ZDHHC11B: variants seen among roughly 807,000 people sequenced by gnomAD.
ZDHHC11B encodes zDHHC palmitoyltransferase 11B (putative).
A neutral mutation model predicts 42.3 loss-of-function variants in ZDHHC11B; 17 were observed. That is an observed-to-expected ratio of 0.40 (90% CI 0.27 to 0.60). The LOEUF (loss-of-function observed/expected upper bound fraction) is 0.60. Ranked by LOEUF, ZDHHC11B falls within the 20% of genes least tolerant of loss-of-function variation. ZDHHC11B has a pLI of 0.41. For missense variants in ZDHHC11B, 262 were observed against 463.2 expected (o/e 0.57, Z 3.99); for synonymous variants, 123 against 193.5 (o/e 0.64, Z 3.02).
chr5:775,009 G>C (rs1348189535), intron 1 of ZDHHC11B, among the ~76,000 whole-genome samples: 1 of 151,992 alleles, frequency 6.6e-6, no homozygotes, highest in Admixed American at 6.6e-5. Flanking sequence ...ATCATCAGCA[G>C]TGCCGGGTCA....
At chr5:766,996 C>A (rs753786464) in intron 3 of ZDHHC11B, 77 bp from the exon 4 acceptor site, 5 of 1,511,840 alleles carry the variant, frequency 3.3e-6, no homozygotes, top group East Asian at 2.3e-5. Flanking sequence ...AGGGAGACCA[C>A]GGGGACTGGG....
intron 8 of ZDHHC11B, chr5:747,950 C>T (rs71587144): frequency 0.19 from 64,915 of 334,542 alleles, 11,623 homozygotes; most frequent in Non-Finnish European, 0.23. Flanking sequence ...AGCAAGACCA[C>T]CAGCTCTCGC....
In ZDHHC11B at chr5:748,303, G is replaced by T. The variant is rs1425126137; in HGVS notation, c.784+101C>A. On this transcript the variant is annotated intron_variant, in intron 8 of 13. Transcript: ENST00000508859. Reference sequence around the variant, plus strand: ...GGACAAAGACTCTGGCCCCAGGTGTGGGGGGCTCAGGGTTAGGGACATACT... The same window carrying T: ...GGACAAAGACTCTGGCCCCAGGTGTTGGGGGCTCAGGGTTAGGGACATACT... 1.4e-5 allele frequency: 12 copies of T among 872,644 alleles called. 1 individual carries two copies. In the East Asian group the frequency reaches 1.9e-4, roughly 14 times the overall value. The allele number at this position is 872,644 out of a possible 1,614,324, so 54.1% of individuals were successfully genotyped here. A position where few individuals can be genotyped will look rare whatever the true frequency, so the allele number is the denominator to read the frequency against.
chr5:715,705 C>T (rs1391867576), intron 13 of ZDHHC11B, among the ~76,000 whole-genome samples: 3 of 151,522 alleles, frequency 2.0e-5, no homozygotes, highest in Non-Finnish European at 2.9e-5. Context: ...CACAGGTTTG[C>T]TGTCTCTCTG....
At chr5:741,940 A>G (rs1744207628) in intron 9 of ZDHHC11B, among the ~76,000 whole-genome samples, 1 of 122,254 alleles carries the variant, frequency 8.2e-6, no homozygotes, top group Admixed American at 9.5e-5. Context: ...CAATTTCTCT[A>G]CAACTTCACC....
At chr5:714,954 C>G (rs1257449680) in intron 13 of ZDHHC11B, among the ~76,000 whole-genome samples, 1 of 151,378 alleles carries the variant, frequency 6.6e-6, no homozygotes, top group Non-Finnish European at 1.5e-5. Flanking sequence ...GGGCCTGGAG[C>G]CTCCCCCAGC....
At chr5:719,663 C>T (rs1412167346) in intron 12 of ZDHHC11B, among the ~76,000 whole-genome samples, 3 of 150,864 alleles carry the variant, frequency 2.0e-5, no homozygotes, top group African/African-American at 7.3e-5. Context: ...ATAAACAGAG[C>T]TTGAAAGGTT....
chr5:747,768 C>A (rs1745025830), intron 8 of ZDHHC11B: 1 of 179,942 alleles, frequency 5.6e-6, no homozygotes, highest in Admixed American at 6.4e-5. Flanking sequence ...GCCACCACTG[C>A]CCAGAGAATG....
At chr5:780,854 C>T (rs1186520842) in intron 1 of ZDHHC11B, among the ~76,000 whole-genome samples, 11 of 151,952 alleles carry the variant, frequency 7.2e-5, no homozygotes, top group Admixed American at 5.9e-4. Flanking sequence ...GAAACCGGCC[C>T]TTGGGCAGCC....
At chr5:769,950 C>A (rs1185150211) in intron 1 of ZDHHC11B, among the ~76,000 whole-genome samples, 1 of 151,912 alleles carries the variant, frequency 6.6e-6, no homozygotes, top group Non-Finnish European at 1.5e-5. Flanking sequence ...TGACCGAGGT[C>A]TGACCAGCAC....
rs1166992851 is a variant in ZDHHC11B at position 712,058 on chromosome 5, T to C, written c.*232A>G. 1.7e-5 allele frequency: 2 copies of C among 119,836 alleles called. No homozygotes were observed. The highest frequency in any genetic ancestry group is 6.6e-5 in the African/African-American group (2 of 30,284). 7.4% of individuals were successfully genotyped at this position (119,836 alleles called of 1,614,324 possible). Reference sequence around the variant, plus strand: ...ATGTAAACCCTCCTGCAAGGCTGGCTCTTCTTTGGGTGTGATGAAGATGAT... The same window carrying C: ...ATGTAAACCCTCCTGCAAGGCTGGCCCTTCTTTGGGTGTGATGAAGATGAT... On this transcript the variant is annotated 3_prime_UTR_variant, in exon 14 of 14. Coordinates refer to ENST00000508859, the MANE Select transcript of ZDHHC11B (RefSeq NM_001351303.2).
chr5:769,503 G>T (rs2150228689), intron 1 of ZDHHC11B, among the ~76,000 whole-genome samples: 1 of 151,842 alleles, frequency 6.6e-6, no homozygotes, highest in East Asian at 1.9e-4. Context: ...AACCACGCTG[G>T]CATGGTGGAG....
intron 12 of ZDHHC11B, among the ~76,000 whole-genome samples, chr5:727,849 CAA>C (rs777922018): frequency 3.5e-4 from 53 of 151,400 alleles, no homozygotes; most frequent in Non-Finnish European, 7.5e-4. Context: ...AAAATATCAG[CAA>C]AGAGTTCTGG....
At chr5:775,918 G>A (rs1430081070) in intron 1 of ZDHHC11B, among the ~76,000 whole-genome samples, 1 of 146,046 alleles carries the variant, frequency 6.8e-6, no homozygotes, top group Admixed American at 6.8e-5. Flanking sequence ...CTCAGCTGGT[G>A]ACAGGAGCTG....
Position 748,432 on chromosome 5 carries a change from G to C in ZDHHC11B, c.756C>G (p.Gly252=), listed in dbSNP as rs753938323. The C allele has an allele frequency of 5.9e-6, 8 of 1,359,578 alleles. No homozygotes were observed. The highest frequency in any genetic ancestry group is 1.4e-5 in the African/African-American group (1 of 72,004). 84.2% of individuals were successfully genotyped at this position (1,359,578 alleles called of 1,614,324 possible). The change falls in exon 8 of 14, where the codon GGC becomes GGG. Residue 252 remains glycine (G), a synonymous_variant. Coordinates refer to ENST00000508859, the MANE Select transcript of ZDHHC11B (RefSeq NM_001351303.2). ...GGTAGATGTGGAAGATGAGCAGCTG[G>C]CCCAGCTGCACCAAGCCAAGAAGGT... ...LLDLLGLVQL[G]QLLIFHIYLK...
chr5:784,078 G>A (rs35481556), intron 1 of ZDHHC11B, among the ~76,000 whole-genome samples: 10,244 of 138,646 alleles, frequency 0.074, 2 homozygotes, highest in Non-Finnish European at 0.11. Flanking sequence ...AGTAGCCAAG[G>A]CCCGGGGCAG....
chr5:739,216 T>C (rs561569539), intron 10 of ZDHHC11B, among the ~76,000 whole-genome samples: 17 of 150,756 alleles, frequency 1.1e-4, no homozygotes, highest in Non-Finnish European at 1.9e-4. Flanking sequence ...CTGGCCAACA[T>C]GGTGAAACTT....
intron 4 of ZDHHC11B, among the ~76,000 whole-genome samples, chr5:759,876 C>A (rs1398337595): frequency 6.6e-6 from 1 of 151,898 alleles, no homozygotes; most frequent in Non-Finnish European, 1.5e-5. Context: ...AGCACAGGCA[C>A]CCTCCAGCCG....
chr5:727,352 G>A (rs1742671166), intron 12 of ZDHHC11B, among the ~76,000 whole-genome samples: 1 of 145,652 alleles, frequency 6.9e-6, no homozygotes, highest in African/African-American at 2.5e-5. Context: ...GAGTTGGGAT[G>A]CCAGGGAAAC....
Sources: allele counts gnomAD v4.1 joint callset (sites outside exome capture counted in the v4.1 genomes callset), GRCh38; gene constraint gnomAD v4.1.1; transcripts MANE v1.5; gene names NCBI Gene and HGNC (gene_info 2026-07-23, HGNC 2026-07-21).